The following SPOCK3 variants were observed in gnomAD, a reference collection of about 807,000 sequenced individuals.
SPOCK3 encodes testican-3.
SPOCK3 carries 30 observed loss-of-function variants against 56.6 expected under a neutral mutation model. The ratio of observed to expected loss-of-function variants is 0.53; its 90% CI spans 0.40 to 0.72. The LOEUF (loss-of-function observed/expected upper bound fraction) is 0.72. Ranked by LOEUF, SPOCK3 falls within the 30% of genes least tolerant of loss-of-function variation. The pLI, the probability that SPOCK3 is intolerant of heterozygous loss-of-function variation, is 0.00. For synonymous variants in SPOCK3, 196 were observed against 183.3 expected (o/e 1.07, Z -0.56); for missense variants, 527 against 530.0 (o/e 0.99, Z 0.06).
At chr4:166,905,594 T>C (rs1736524317) in intron 5 of SPOCK3, among the ~76,000 whole-genome samples, 1 of 151,958 alleles carries the variant, frequency 6.6e-6, no homozygotes, top group Non-Finnish European at 1.5e-5. Context: ...TCTTATAAAT[T>C]GGGACTAAGG....
At chr4:167,033,221 G>A (rs982967717) in intron 3 of SPOCK3, among the ~76,000 whole-genome samples, 2 of 151,502 alleles carry the variant, frequency 1.3e-5, no homozygotes, top group African/African-American at 4.8e-5. Context: ...CTTCCCTAGT[G>A]CCAAAGTAAT....
intron 6 of SPOCK3, among the ~76,000 whole-genome samples, chr4:166,875,867 T>C (rs961391029): frequency 4.6e-5 from 7 of 152,130 alleles, no homozygotes; most frequent in Admixed American, 1.3e-4. Context: ...TGGTCAGTAA[T>C]TGAAACAACT....
At chr4:166,947,552 T>G (rs946792739) in intron 4 of SPOCK3, among the ~76,000 whole-genome samples, 2 of 152,128 alleles carry the variant, frequency 1.3e-5, no homozygotes, top group African/African-American at 4.8e-5. Flanking sequence ...TCTAAGAATG[T>G]AATATGTTGC....
At chr4:167,082,046 GT>G (rs1757754292) in intron 2 of SPOCK3, among the ~76,000 whole-genome samples, 2 of 151,878 alleles carry the variant, frequency 1.3e-5, no homozygotes, top group African/African-American at 4.8e-5. Flanking sequence ...GTGAATCTCT[GT>G]TCTGACAAAC....
chr4:167,033,280 T>A (rs563502321), intron 3 of SPOCK3, among the ~76,000 whole-genome samples: 117 of 150,974 alleles, frequency 7.7e-4, no homozygotes, highest in Admixed American at 1.7e-3. Context: ...CAATATATTA[T>A]AAATATATTT....
chr4:167,123,621 C>T lies in SPOCK3; in HGVS notation c.190-61084G>A, dbSNP rs189865826. ...CTGTTCCACCCACCTCTGCCACTCT[C>T]TGCCAGATTGACAGTCCAATTAACA... On this transcript the variant is annotated intron_variant, in intron 2 of 10. Transcript: ENST00000357545. Among the ~76,000 whole-genome samples the T allele has an allele frequency of 1.1e-4, 17 of 152,210 alleles. No homozygotes were observed. In the East Asian group the frequency reaches 3.1e-3, roughly 28 times the overall value.
intron 6 of SPOCK3, among the ~76,000 whole-genome samples, chr4:166,878,255 G>A (rs954428652): frequency 2.6e-5 from 4 of 152,018 alleles, no homozygotes; most frequent in African/African-American, 9.7e-5. Flanking sequence ...ATCCACCCTG[G>A]GCTACAGAGC....
intron 4 of SPOCK3, among the ~76,000 whole-genome samples, chr4:166,985,248 A>C (rs550050525): frequency 1.3e-5 from 2 of 152,280 alleles, no homozygotes; most frequent in African/African-American, 4.8e-5. Context: ...CATTGGAATA[A>C]AAATCAGAAT....
Position 166,909,210 on chromosome 4 carries a change from T to G in SPOCK3, c.474+3410A>C, listed in dbSNP as rs1032283277. Among the ~76,000 whole-genome samples, 6 of 152,220 alleles carry G rather than the reference T, an allele frequency of 3.9e-5. 1 individual carries two copies. The South Asian group carries it at 1.0e-3, about 26-fold the overall frequency. ...ATTTTTAAAATACTCTACTGAGGAT[T>G]TCTAAAAACGCTGATTAACTTCAAA... On this transcript the variant is annotated intron_variant, in intron 5 of 10. Transcript: ENST00000357545.
chr4:166,928,784 A>G (rs1739400142), intron 4 of SPOCK3, among the ~76,000 whole-genome samples: 1 of 152,154 alleles, frequency 6.6e-6, no homozygotes, highest in Non-Finnish European at 1.5e-5. Flanking sequence ...CCTGGCCAAC[A>G]TGGTGAAGCC....
intron 6 of SPOCK3, among the ~76,000 whole-genome samples, chr4:166,821,407 T>C (rs952237425): frequency 6.6e-6 from 1 of 152,012 alleles, no homozygotes; most frequent in Non-Finnish European, 1.5e-5. Context: ...AAAATTTAAC[T>C]GTAAACTTGC....
At chr4:167,146,891 C>T (rs984703615) in intron 2 of SPOCK3, among the ~76,000 whole-genome samples, 1 of 151,838 alleles carries the variant, frequency 6.6e-6, no homozygotes, top group South Asian at 2.1e-4. Flanking sequence ...TAACATCACA[C>T]TTAAAAGAAC....
intron 6 of SPOCK3, among the ~76,000 whole-genome samples, chr4:166,880,955 T>C (rs985056590): frequency 6.6e-6 from 1 of 152,178 alleles, no homozygotes; most frequent in Non-Finnish European, 1.5e-5. Flanking sequence ...TGGACTGGTA[T>C]GTTCAATAAT....
chr4:166,906,655 T>C (rs1010026177), intron 5 of SPOCK3, among the ~76,000 whole-genome samples: 1 of 151,934 alleles, frequency 6.6e-6, no homozygotes, highest in Non-Finnish European at 1.5e-5. Context: ...TCATGCATAA[T>C]ATCTAAAAAT....
chr4:167,023,513 G>T (rs1013685491), intron 3 of SPOCK3, among the ~76,000 whole-genome samples: 1 of 152,002 alleles, frequency 6.6e-6, no homozygotes, highest in East Asian at 1.9e-4. Flanking sequence ...CAAAGAGTAA[G>T]GGGGTGGAGG....
chr4:166,737,463 T>G lies in SPOCK3; in HGVS notation c.1132+4A>C, dbSNP rs757363046. 6.2e-7 allele frequency: 1 copy of G among 1,611,508 alleles called. No individual in the cohort carries two copies. Among genetic ancestry groups the G allele is most frequent in the South Asian group, 1.1e-5 (1 of 90,560 alleles). On this transcript the variant is annotated splice_donor_region_variant and intron_variant, in intron 10 of 10. Coordinates refer to ENST00000357545, the MANE Select transcript of SPOCK3 (RefSeq NM_001040159.2). ...ATTATGAAATAAGTAACCCTTCTCC[T>G]TACCACAATCTGCAACACCATTTAT...
At chr4:166,983,130 C>T (rs1332989686) in intron 4 of SPOCK3, among the ~76,000 whole-genome samples, 3 of 151,984 alleles carry the variant, frequency 2.0e-5, no homozygotes, top group Non-Finnish European at 4.4e-5. Context: ...TGAGTCTATA[C>T]CCAAAGGAGG....
intron 2 of SPOCK3, among the ~76,000 whole-genome samples, chr4:167,109,372 A>ATTTATATAAAATATATAAATATATATT (rs1561225184): frequency 3.9e-5 from 1 of 25,864 alleles, no homozygotes; most frequent in African/African-American, 1.1e-4. Flanking sequence ...TTATATATAT[A>ATTTATATAAAATATATAAATATATATT]TTTATATAAA....
chr4:166,907,964 A>C (rs937858741), intron 5 of SPOCK3, among the ~76,000 whole-genome samples: 3 of 151,956 alleles, frequency 2.0e-5, no homozygotes, highest in African/African-American at 7.2e-5. Context: ...CTGACAGTGG[A>C]TCTTCCAAAA....
Sources: allele counts gnomAD v4.1 joint callset (sites outside exome capture counted in the v4.1 genomes callset), GRCh38; gene constraint gnomAD v4.1.1; transcripts MANE v1.5; gene names NCBI Gene and HGNC (gene_info 2026-07-23, HGNC 2026-07-21).